Variants in SYNPO2 observed in about 807,000 individuals in gnomAD.
The protein encoded by SYNPO2 is synaptopodin 2.
A neutral mutation model predicts 85.0 loss-of-function variants in SYNPO2; 56 were observed. The observed-to-expected ratio is 0.66, with a 90% CI of 0.53 to 0.82. SYNPO2 has a LOEUF of 0.82. Among genes scored for constraint, SYNPO2 ranks in the 40% least tolerant of loss-of-function variants. SYNPO2 has a pLI of 0.00. For missense variants in SYNPO2, 1,575 were observed against 1,534.2 expected (o/e 1.03, Z -0.44); for synonymous variants, 602 against 591.1 (o/e 1.02, Z -0.27).
chr4:118,977,571 G>A (rs1484537730), intron 1 of SYNPO2, among the ~76,000 whole-genome samples: 1 of 152,242 alleles, frequency 6.6e-6, no homozygotes, highest in African/African-American at 2.4e-5. Flanking sequence ...CCGAGAGCAA[G>A]CGAGGGCTCT....
At chr4:118,905,443 C>CGT (rs3051210) in intron 1 of SYNPO2, among the ~76,000 whole-genome samples, 2,805 of 149,862 alleles carry the variant, frequency 0.019, 33 homozygotes, top group Non-Finnish European at 0.023. Context: ...TGTGTGTGTG[C>CGT]GTGTGTGTGT....
intron 3 of SYNPO2, among the ~76,000 whole-genome samples, chr4:119,029,095 T>G (rs1211934330): frequency 6.6e-6 from 1 of 152,098 alleles, no homozygotes; most frequent in Non-Finnish European, 1.5e-5. Flanking sequence ...GAAAGTAATA[T>G]TGTATTTCCA....
Position 119,031,203 on chromosome 4 carries a change from C to G in SYNPO2, c.2428C>G (p.Gln810Glu), listed in dbSNP as rs1738239227. ...GTVVSSIKIA[Q>E]PSYPPARPAS... ...CGTTGTCTCCTCCATCAAAATAGCC[C>G]AGCCTTCTTACCCTCCTGCCCGGCC... The change falls in exon 4 of 5, where the codon CAG becomes GAG. Residue 810 changes from glutamine (Q) to glutamate (E), a missense_variant. Physicochemically the swap from Gln to Glu is conservative, Grantham distance 29 (BLOSUM62 2). Coordinates refer to ENST00000307142, the MANE Select transcript of SYNPO2 (RefSeq NM_133477.3). The G allele has an allele frequency of 6.2e-7, 1 of 1,614,144 alleles. No homozygotes were observed. The highest frequency in any genetic ancestry group is 2.2e-5 in the East Asian group (1 of 44,872).
chr4:119,035,321 C>G, intron 4 of SYNPO2: 1 of 985,426 alleles, frequency 1.0e-6, no homozygotes, highest in Non-Finnish European at 1.2e-6. Context: ...CATGTAAGTA[C>G]AGCATATTCC....
At chr4:119,007,623 T>G (rs933357608) in intron 1 of SYNPO2, among the ~76,000 whole-genome samples, 10 of 152,104 alleles carry the variant, frequency 6.6e-5, no homozygotes, top group Admixed American at 5.9e-4. Context: ...AAATCCACAT[T>G]GCACTCATCA....
intron 1 of SYNPO2, among the ~76,000 whole-genome samples, chr4:118,956,460 G>A (rs186060058): frequency 1.3e-5 from 2 of 152,286 alleles, no homozygotes; most frequent in East Asian, 3.9e-4. Context: ...ACATTACATA[G>A]CATATACATA....
intron 1 of SYNPO2, among the ~76,000 whole-genome samples, chr4:118,994,067 T>C (rs538438628): frequency 6.6e-5 from 10 of 152,344 alleles, no homozygotes; most frequent in African/African-American, 2.2e-4. Context: ...GGTCAGTCAC[T>C]ACCACCATAT....
At chr4:119,034,316 G>T in intron 4 of SYNPO2, 2 of 982,614 alleles carry the variant, frequency 2.0e-6, no homozygotes, top group Non-Finnish European at 2.4e-6. Context: ...GAGATCATCG[G>T]CTTAAAAGTA....
At chr4:118,860,101 A>G (rs1731582735) in intron 1 of SYNPO2, among the ~76,000 whole-genome samples, 1 of 152,152 alleles carries the variant, frequency 6.6e-6, no homozygotes, top group South Asian at 2.1e-4. Context: ...TTTTGGATAA[A>G]AGCCATTTTA....
chr4:119,055,902 TA>T (rs908392796), intron 4 of SYNPO2, among the ~76,000 whole-genome samples: 8 of 147,432 alleles, frequency 5.4e-5, no homozygotes, highest in Admixed American at 2.0e-4. Context: ...TACCTAATAA[TA>T]AAAAAAAAAC....
intron 1 of SYNPO2, among the ~76,000 whole-genome samples, chr4:118,877,911 A>G (rs535268081): frequency 3.9e-5 from 6 of 152,238 alleles, no homozygotes; most frequent in Non-Finnish European, 8.8e-5. Context: ...ATGCATGTGA[A>G]TGTTCGTTGC....
chr4:118,965,930 T>TAAA (rs59092815), intron 1 of SYNPO2, among the ~76,000 whole-genome samples: 10 of 151,416 alleles, frequency 6.6e-5, no homozygotes, highest in African/African-American at 1.2e-4. Flanking sequence ...AGATTTTTTT[T>TAAA]AAAAAAAATT....
upstream of SYNPO2, among the ~76,000 whole-genome samples, chr4:118,888,178 A>G (rs924815534): frequency 3.3e-5 from 5 of 152,220 alleles, no homozygotes; most frequent in African/African-American, 1.2e-4. Context: ...AGAAAACAAA[A>G]CACGTTAAAA....
At chr4:118,865,452 A>G (rs1731684223) in intron 1 of SYNPO2, among the ~76,000 whole-genome samples, 1 of 152,236 alleles carries the variant, frequency 6.6e-6, no homozygotes, top group Non-Finnish European at 1.5e-5. Context: ...AAGCATTAAA[A>G]TCTTGTGGAG....
chr4:118,868,752 A>C (rs1731746509), intron 1 of SYNPO2, among the ~76,000 whole-genome samples: 1 of 152,230 alleles, frequency 6.6e-6, no homozygotes, highest in Non-Finnish European at 1.5e-5. Flanking sequence ...CCAAGTTAGA[A>C]AGAAGGAAAA....
exon 1 of SYNPO2, chr4:118,850,718 T>G (rs1456336344): frequency 2.5e-6 from 1 of 398,652 alleles, no homozygotes; most frequent in African/African-American, 2.1e-5. Flanking sequence ...TCAGAACATG[T>G]TGCTCTGGAG....
At chr4:118,937,037 A>G (rs1203145542) in intron 1 of SYNPO2, among the ~76,000 whole-genome samples, 1 of 152,116 alleles carries the variant, frequency 6.6e-6, no homozygotes, top group East Asian at 1.9e-4. Flanking sequence ...GACTCCTGCA[A>G]TGACCCCCAA....
chr4:118,936,360 G>A (rs576963085), intron 1 of SYNPO2, among the ~76,000 whole-genome samples: 1 of 152,248 alleles, frequency 6.6e-6, no homozygotes, highest in Non-Finnish European at 1.5e-5. Flanking sequence ...TTGAGACAGG[G>A]TCTTGCTACG....
chr4:118,962,284 A>T (rs1358401996), intron 1 of SYNPO2, among the ~76,000 whole-genome samples: 1 of 152,210 alleles, frequency 6.6e-6, no homozygotes, highest in East Asian at 1.9e-4. Flanking sequence ...GTGATAGAAA[A>T]TAGCCAATTT....
Sources: gnomAD v4.1 joint callset for allele counts (sites outside exome capture counted in the v4.1 genomes callset) on GRCh38, gnomAD v4.1.1 for gene constraint, MANE v1.5 for transcripts, NCBI Gene and HGNC (gene_info 2026-07-23, HGNC 2026-07-21) for gene names.